SLC7A13: variants seen among roughly 807,000 people sequenced by gnomAD.
SLC7A13 encodes the protein X-amino acid transporter 2.
A neutral mutation model predicts 32.0 loss-of-function variants in SLC7A13; 31 were observed. The ratio of observed to expected loss-of-function variants is 0.97; its 90% CI spans 0.73 to 1.31. The LOEUF is 1.31. Ranked by LOEUF, SLC7A13 falls within the 50% of genes most tolerant of loss-of-function variation. The pLI is 0.00. For synonymous variants in SLC7A13, 232 were observed against 206.9 expected (o/e 1.12, Z -1.04); for missense variants, 633 against 546.9 (o/e 1.16, Z -1.57).
rs72688509 is a variant in SLC7A13 at position 86,217,661 on chromosome 8, G to T, written c.988C>A (p.Leu330Ile). ...GTAAATGGAGAAGAGTGACTATTAA[G>T]TGTATTAAATAGCAAAGGCAGCTGG... is the stretch of plus-strand genomic sequence containing the variant. ...EGQLPLLFNT[L>I]NSHSSPFTAV... The change falls in exon 3 of 4, where the codon CTT (leucine) becomes ATT (isoleucine). Residue 330 changes from leucine (L) to isoleucine (I), a missense_variant. Leu to Ile is a conservative substitution (Grantham distance 5). Coordinates refer to ENST00000297524, the MANE Select transcript of SLC7A13 (RefSeq NM_138817.3). 2.5e-5 allele frequency: 41 copies of T among 1,613,176 alleles called. No individual in the cohort carries two copies. The highest frequency in any genetic ancestry group is 4.0e-5 in the African/African-American group (3 of 74,854).
intron 1 of SLC7A13, among the ~76,000 whole-genome samples, chr8:86,229,052 T>C (rs1820439349): frequency 6.6e-6 from 1 of 152,186 alleles, no homozygotes; most frequent in African/African-American, 2.4e-5. Flanking sequence ...ATGAAAATTA[T>C]AGCTTTATCA....
rs770132103 is a variant in SLC7A13 at position 86,214,166 on chromosome 8, A to G, written c.*247T>C. On this transcript the variant is annotated 3_prime_UTR_variant, in exon 4 of 4. Coordinates refer to ENST00000297524, the MANE Select transcript of SLC7A13 (RefSeq NM_138817.3). ...AGAATGGAAGTTGTATAATCACTCTATCAAGCTACGCAAACCAGGACTTAA... is the reference window on the plus strand; with the variant it reads ...AGAATGGAAGTTGTATAATCACTCTGTCAAGCTACGCAAACCAGGACTTAA... The G allele has an allele frequency of 1.6e-5, 5 of 316,624 alleles. No homozygotes were observed. The highest frequency in any genetic ancestry group is 2.9e-5 in the Non-Finnish European group (5 of 173,066). 19.6% of individuals were successfully genotyped at this position (316,624 alleles called of 1,614,324 possible).
chr8:86,217,937 A>T, intron 2 of SLC7A13, 106 bp from the exon 3 acceptor site: 1 of 1,225,428 alleles, frequency 8.2e-7, no homozygotes, highest in Non-Finnish European at 1.1e-6. Context: ...TAAGTAATTA[A>T]TAACATTTAG....
chr8:86,226,992 T>C (rs1005793009), intron 1 of SLC7A13, among the ~76,000 whole-genome samples: 5 of 152,214 alleles, frequency 3.3e-5, no homozygotes, highest in Non-Finnish European at 5.9e-5. Flanking sequence ...CACAGAATTA[T>C]AGTCATTTTA....
chr8:86,227,655 C>T (rs754006111), intron 1 of SLC7A13, among the ~76,000 whole-genome samples: 1 of 152,164 alleles, frequency 6.6e-6, no homozygotes, highest in Non-Finnish European at 1.5e-5. Context: ...TATTGCAGCA[C>T]TGTTCACAAT....
At chr8:86,218,308 A>C (rs1222531062) in intron 2 of SLC7A13, among the ~76,000 whole-genome samples, 3 of 152,328 alleles carry the variant, frequency 2.0e-5, no homozygotes, top group Admixed American at 1.3e-4. Context: ...ACTTTCCCAC[A>C]TCATGGTGCA....
intron 1 of SLC7A13, among the ~76,000 whole-genome samples, chr8:86,223,528 G>A (rs1820339142): frequency 1.3e-5 from 2 of 151,976 alleles, no homozygotes; most frequent in African/African-American, 4.8e-5. Context: ...GTAATATTCT[G>A]TGGTATATTA....
intron 1 of SLC7A13, among the ~76,000 whole-genome samples, chr8:86,227,806 G>A (rs1013821518): frequency 6.6e-6 from 1 of 152,156 alleles, no homozygotes; most frequent in Non-Finnish European, 1.5e-5. Context: ...TGCAACTAGA[G>A]ACCATCATCC....
Position 86,229,895 on chromosome 8 carries a change from G to C in SLC7A13, c.383C>G (p.Ser128Cys), listed in dbSNP as rs1316486707. 1 of 1,614,160 alleles carries C rather than the reference G, an allele frequency of 6.2e-7. No individual in the cohort carries two copies. The highest frequency in any genetic ancestry group is 1.7e-5 in the Admixed American group (1 of 59,998). The change falls in exon 1 of 4, where the codon TCT (serine) becomes TGT (cysteine). Residue 128 changes from serine (S) to cysteine (C), a missense_variant. Physicochemically the swap from Ser to Cys is moderately radical, Grantham distance 112. Coordinates refer to ENST00000297524, the MANE Select transcript of SLC7A13 (RefSeq NM_138817.3). Reference sequence around the variant, plus strand: ...ACATTTCTTAGGCAGCTTTGGGACAGAGCAGCTGGGAAAAAAAGGCTGGAT... The same window carrying C: ...ACATTTCTTAGGCAGCTTTGGGACACAGCAGCTGGGAAAAAAAGGCTGGAT... Reference protein sequence around the residue: ...YSIQPFFPSCSVPKLPKKCLA... With the variant: ...YSIQPFFPSCCVPKLPKKCLA...
intron 1 of SLC7A13, among the ~76,000 whole-genome samples, chr8:86,226,767 C>A (rs988773327): frequency 6.6e-6 from 1 of 151,874 alleles, no homozygotes; most frequent in African/African-American, 2.4e-5. Context: ...TTTGTAGTCA[C>A]CTGAGGTTGC....
intron 2 of SLC7A13, among the ~76,000 whole-genome samples, chr8:86,221,207 GC>G (rs750789710): frequency 1.6e-4 from 25 of 151,690 alleles, no homozygotes; most frequent in Non-Finnish European, 2.6e-4. Flanking sequence ...ATTTAACATT[GC>G]CCCTTTTCTT....
At chr8:86,226,819 C>T (rs150488805) in intron 1 of SLC7A13, among the ~76,000 whole-genome samples, 7 of 152,296 alleles carry the variant, frequency 4.6e-5, no homozygotes, top group Non-Finnish European at 7.4e-5. Flanking sequence ...CTATTCTCCA[C>T]GGCTTCACTC....
At chr8:86,216,398 A>G (rs750269275) in intron 3 of SLC7A13, among the ~76,000 whole-genome samples, 2 of 152,184 alleles carry the variant, frequency 1.3e-5, no homozygotes, top group Non-Finnish European at 2.9e-5. Context: ...TTTGGTTTAC[A>G]TGACTGTCCA....
At chr8:86,224,566 C>T (rs901572397) in intron 1 of SLC7A13, among the ~76,000 whole-genome samples, 6 of 152,176 alleles carry the variant, frequency 3.9e-5, no homozygotes, top group Non-Finnish European at 8.8e-5. Flanking sequence ...AGTGGATTCT[C>T]TAGGACAGTT....
chr8:86,215,808 A>G, intron 3 of SLC7A13: 1 of 299,812 alleles, frequency 3.3e-6, no homozygotes, highest in Non-Finnish European at 6.6e-6. Context: ...AGAAAAGAAA[A>G]GAGCACTCCT....
rs1820214698 is a variant in SLC7A13, at chr8:86,217,743, G to C, written c.906C>G (p.Asn302Lys). The C allele has an allele frequency of 6.2e-7, 1 of 1,613,082 alleles. No homozygotes were observed. The highest frequency in any genetic ancestry group is 1.1e-5 in the South Asian group (1 of 90,988). ...ATGATTTAAATATAGAAATCAGAAG[G>C]TTGCTAAATAATGAGGTAGAAATAG... is the stretch of plus-strand genomic sequence containing the variant. ...PFAISTSLFS[N>K]LLISIFKSSR... The change falls in exon 3 of 4, where the codon AAC (asparagine) becomes AAG (lysine). Residue 302 changes from asparagine (N) to lysine (K), a missense_variant. Transcript: ENST00000297524.
rs1401377621 is a variant in SLC7A13, at chr8:86,214,473, C to T, written c.1353G>A (p.Lys451=). ...ATAGTAATTGTAAATAGCAAGTCAT[C>T]TTCTCAAACCAAGCCAATCTTATTT... ...HFKIRLAWFE[K]MTCYLQLLFN... The change falls in exon 4 of 4, where the codon AAG becomes AAA. Residue 451 remains lysine, a synonymous_variant. Transcript: ENST00000297524. The T allele has an allele frequency of 1.1e-5, 18 of 1,611,936 alleles. No individual in the cohort carries two copies. Among genetic ancestry groups the T allele is most frequent in the Non-Finnish European group, 1.4e-5 (17 of 1,178,966 alleles).
chr8:86,230,167 A>G lies in SLC7A13; in HGVS notation c.111T>C (p.Gly37=). ...CGTTCATGCAAGAGTATGCCAACAC[A>G]CCTTTGGGGGACACAAAAATTCCTG... The part of the protein sequence containing the change: ...IGAGIFVSPK[G]VLAYSCMNVG... Residue 37 remains glycine (G), a synonymous_variant, in exon 1 of 4, where the codon GGT becomes GGC. Transcript: ENST00000297524. The G allele has an allele frequency of 6.2e-7, 1 of 1,614,126 alleles. No individual in the cohort carries two copies. The highest frequency in any genetic ancestry group is 8.5e-7 in the Non-Finnish European group (1 of 1,180,018).
chr8:86,224,660 T>C (rs1233462279), intron 1 of SLC7A13, among the ~76,000 whole-genome samples: 2 of 152,150 alleles, frequency 1.3e-5, no homozygotes, highest in Non-Finnish European at 2.9e-5. Flanking sequence ...CATGAAGAAA[T>C]GATCATCTAT....
Sources: allele counts gnomAD v4.1 joint callset (sites outside exome capture counted in the v4.1 genomes callset), GRCh38; gene constraint gnomAD v4.1.1; transcripts MANE v1.5; gene names NCBI Gene and HGNC (gene_info 2026-07-23, HGNC 2026-07-21).